ADAMTS17: variants seen among roughly 807,000 people sequenced by gnomAD.
ADAMTS17 encodes the protein A disintegrin and metalloproteinase with thrombospondin motifs 17.
In ADAMTS17, 113 loss-of-function variants were observed where a neutral mutation model predicts 141.5. The ratio of observed to expected loss-of-function variants is 0.80; its 90% CI spans 0.69 to 0.93. ADAMTS17 has a LOEUF of 0.93. ADAMTS17 is among the 40% of genes least tolerant of loss of function. ADAMTS17 has a pLI of 0.00. For synonymous variants in ADAMTS17, 768 were observed against 630.6 expected (o/e 1.22, Z -3.27); for missense variants, 1,659 against 1,517.9 (o/e 1.09, Z -1.54).
At chr15:100,039,039 G>A (rs1000745163) in intron 18 of ADAMTS17, among the ~76,000 whole-genome samples, 4 of 152,148 alleles carry the variant, frequency 2.6e-5, no homozygotes, top group African/African-American at 9.7e-5. Flanking sequence ...TAGGGCATAC[G>A]GCTGTTCATA....
chr15:100,053,823 TA>T, intron 16 of ADAMTS17, 73 bp downstream of exon 16: 2 of 1,611,996 alleles, frequency 1.2e-6, no homozygotes, highest in South Asian at 2.2e-5. Flanking sequence ...CAGGCAGAAG[TA>T]AACTGGAAAG....
chr15:100,077,581 A>G (rs1470880994), intron 15 of ADAMTS17, among the ~76,000 whole-genome samples: 1 of 152,176 alleles, frequency 6.6e-6, no homozygotes, highest in Non-Finnish European at 1.5e-5. Context: ...CTTCCTGATA[A>G]AAATACTCAA....
intron 15 of ADAMTS17, among the ~76,000 whole-genome samples, chr15:100,076,191 C>T (rs1333313232): frequency 1.3e-5 from 2 of 152,026 alleles, no homozygotes; most frequent in African/African-American, 4.8e-5. Context: ...TACAGGCGCC[C>T]ACCACCATGC....
At chr15:100,088,439 A>G (rs1399510533) in intron 15 of ADAMTS17, among the ~76,000 whole-genome samples, 1 of 152,240 alleles carries the variant, frequency 6.6e-6, no homozygotes, top group African/African-American at 2.4e-5. Flanking sequence ...ATTCAATGAC[A>G]TCTCCATCAA....
intron 8 of ADAMTS17, among the ~76,000 whole-genome samples, chr15:100,196,640 AAGCTAAGGAATATGG>A (rs2041129389): frequency 6.6e-6 from 1 of 152,248 alleles, no homozygotes; most frequent in Non-Finnish European, 1.5e-5. Context: ...TTCTTCACAT[AAGCTAAGGAATATGG>A]AGTTAAATGG....
intron 18 of ADAMTS17, among the ~76,000 whole-genome samples, chr15:100,028,005 C>G (rs1369653): frequency 0.058 from 8,762 of 152,192 alleles, 772 homozygotes; most frequent in African/African-American, 0.19. Flanking sequence ...CCAGAGAAGT[C>G]ACATGACAGG....
At chr15:100,144,124 T>C (rs149469634) in intron 10 of ADAMTS17, among the ~76,000 whole-genome samples, 2,142 of 152,326 alleles carry the variant, frequency 0.014, 46 homozygotes, top group African/African-American at 0.048. Flanking sequence ...AAATTTGTAA[T>C]ATAGTAATAT....
chr15:100,131,366 G>GAAAAAAAA (rs11398544), intron 12 of ADAMTS17, among the ~76,000 whole-genome samples: 1 of 127,790 alleles, frequency 7.8e-6, no homozygotes. Context: ...CTTAAAGTAT[G>GAAAAAAAA]AAAAAAAAAA....
In ADAMTS17 at chr15:99,974,056, A is replaced by C. The variant is rs1388256283; in HGVS notation, c.*346T>G. The C allele has an allele frequency of 5.2e-6, 2 of 382,152 alleles. No homozygotes were observed. Among genetic ancestry groups the C allele is most frequent in the East Asian group, 6.4e-5 (1 of 15,696 alleles). 23.7% of individuals were successfully genotyped at this position (382,152 alleles called of 1,614,324 possible). A position where few individuals can be genotyped will look rare whatever the true frequency, so the allele number is the denominator to read the frequency against. On this transcript the variant is annotated 3_prime_UTR_variant, in exon 22 of 22. Coordinates refer to ENST00000268070, the MANE Select transcript of ADAMTS17 (RefSeq NM_139057.4). ...TCCTCCATGATATACCAAGCACTGG[A>C]AATTCAAATGTCAAAAGCGAGTCAA... is the stretch of plus-strand genomic sequence containing the variant.
At chr15:100,107,367 C>G (rs1440823026) in intron 14 of ADAMTS17, among the ~76,000 whole-genome samples, 1 of 152,148 alleles carries the variant, frequency 6.6e-6, no homozygotes, top group South Asian at 2.1e-4. Context: ...CATGGTGATC[C>G]TGACACTGAT....
intron 13 of ADAMTS17, 139 bp from the exon 14 acceptor site, chr15:100,109,255 G>C (rs1048912543): frequency 1.3e-5 from 14 of 1,038,024 alleles, no homozygotes; most frequent in South Asian, 7.6e-5. Flanking sequence ...GCTCAGGTAC[G>C]CGCTCCAGGA....
rs1170444990 is a variant in ADAMTS17, at chr15:100,341,378, C to T, written c.111G>A (p.Val37=). The stretch of plus-strand genomic sequence containing the variant: ...CGGGGCGCACCCGCCACGGGAGCAC[C>T]ACCTCCACGTCGGCCGCCGCGTCGC... ...AVGDAAADVE[V]VLPWRVRPDD... The change falls in exon 2 of 22, where the codon GTG becomes GTA. Residue 37 remains valine, a synonymous_variant. Coordinates refer to ENST00000268070, the MANE Select transcript of ADAMTS17 (RefSeq NM_139057.4). 2.0e-6 allele frequency: 2 copies of T among 1,017,372 alleles called. No homozygotes were observed. The highest frequency in any genetic ancestry group is 3.5e-5 in the African/African-American group (2 of 57,488). The allele number at this position is 1,017,372 out of a possible 1,614,324, so 63.0% of individuals were successfully genotyped here. A position where few individuals can be genotyped will look rare whatever the true frequency, so the allele number is the denominator to read the frequency against.
At chr15:100,069,678 C>T (rs1011312363) in intron 15 of ADAMTS17, among the ~76,000 whole-genome samples, 5 of 151,968 alleles carry the variant, frequency 3.3e-5, no homozygotes, top group African/African-American at 1.2e-4. Flanking sequence ...AAATACTATA[C>T]AGACAAGCAA....
chr15:100,138,953 AT>A (rs1352655669), intron 10 of ADAMTS17, among the ~76,000 whole-genome samples: 8 of 152,200 alleles, frequency 5.3e-5, no homozygotes, highest in African/African-American at 1.9e-4. Flanking sequence ...ATTATCAGTG[AT>A]TTCCCGGTAA....
Position 100,216,801 on chromosome 15 carries a change from C to A in ADAMTS17, c.1076-17378G>T, listed in dbSNP as rs117830933. 6.6e-3 allele frequency among the ~76,000 whole-genome samples: 1,009 copies of A among 152,280 alleles called. 3 individuals are homozygous for A. Among genetic ancestry groups the A allele is most frequent in the Non-Finnish European group, 0.012 (783 of 68,018 alleles). ...CATCAAGGGGAAAGAGAACTCTTCA[C>A]AAAACTTTTTCAGATTTTGAGATAG... is the stretch of plus-strand genomic sequence containing the variant. On this transcript the variant is annotated intron_variant, in intron 7 of 21. Coordinates refer to ENST00000268070, the MANE Select transcript of ADAMTS17 (RefSeq NM_139057.4).
rs779509724 is a variant in ADAMTS17, at chr15:99,974,448, C to A, written c.3242G>T (p.Arg1081Met). 6.2e-7 allele frequency: 1 copy of A among 1,614,224 alleles called. No individual in the cohort carries two copies. The highest frequency in any genetic ancestry group is 8.5e-7 in the Non-Finnish European group (1 of 1,180,046). Residue 1081 changes from arginine (R) to methionine (M), a missense_variant, in exon 22 of 22, where the codon AGG (arginine) becomes ATG (methionine). Physicochemically the swap from Arg to Met is moderately conservative, Grantham distance 91. Transcript: ENST00000268070. The part of the protein sequence containing the change: ...RWYQRCCQTC[R>M]DFYANKMRQP... Reference sequence around the variant, plus strand: ...GCGCATCTTGTTTGCATAGAAGTCCCTGCAGGTCTGGCAGCAGCGCTGGTA... The same window carrying A: ...GCGCATCTTGTTTGCATAGAAGTCCATGCAGGTCTGGCAGCAGCGCTGGTA...
chr15:100,048,570 A>G (rs1002372946), intron 18 of ADAMTS17, among the ~76,000 whole-genome samples: 5 of 149,518 alleles, frequency 3.3e-5, no homozygotes, highest in African/African-American at 1.2e-4. Flanking sequence ...CCAATGGTTA[A>G]AAGTGTGTGG....
At chr15:100,075,155 C>G (rs184122663) in intron 15 of ADAMTS17, among the ~76,000 whole-genome samples, 1 of 152,142 alleles carries the variant, frequency 6.6e-6, no homozygotes. Flanking sequence ...AATTATGGTG[C>G]ATCCTACTTT....
chr15:100,039,533 C>T (rs760225718), intron 18 of ADAMTS17, among the ~76,000 whole-genome samples: 1 of 152,132 alleles, frequency 6.6e-6, no homozygotes, highest in Non-Finnish European at 1.5e-5. Flanking sequence ...GTTTAATTTC[C>T]ATGTACTTAT....
Sources: gnomAD v4.1 joint callset for allele counts (sites outside exome capture counted in the v4.1 genomes callset) on GRCh38, gnomAD v4.1.1 for gene constraint, MANE v1.5 for transcripts, NCBI Gene and HGNC (gene_info 2026-07-23, HGNC 2026-07-21) for gene names.